Variants in RGL1 observed in about 807,000 individuals in gnomAD.
The protein encoded by RGL1 is ral guanine nucleotide dissociation stimulator like 1.
RGL1 carries 24 observed loss-of-function variants against 95.2 expected under a neutral mutation model. The observed-to-expected ratio is 0.25, with a 90% CI of 0.18 to 0.35. The LOEUF is 0.35. Among genes scored for constraint, RGL1 ranks in the 10% least tolerant of loss-of-function variants. The pLI, the probability that RGL1 is intolerant of heterozygous loss-of-function variation, is 1.00. For missense variants in RGL1, 715 were observed against 936.3 expected, an observed-to-expected ratio of 0.76 and a Z score of 3.08; for synonymous variants, 329 against 344.9, an observed-to-expected ratio of 0.95 and a Z score of 0.51.
chr1:183,877,515 T>C (rs1471576170), intron 4 of RGL1, among the ~76,000 whole-genome samples: 1 of 152,256 alleles, frequency 6.6e-6, no homozygotes, highest in Non-Finnish European at 1.5e-5. Flanking sequence ...GCCTTGGGCA[T>C]GTGTCCAGGC....
rs141904711 is a variant in RGL1 at position 183,784,679 on chromosome 1, C to T, written c.133-21696C>T. ...GGGGAGGATGCAGATACTGGAGAAA[C>T]AGTCAGGGTTCACTGCTGGCTAAAG... On this transcript the variant is annotated intron_variant, in intron 2 of 18. Coordinates refer to the RGL1 transcript ENST00000304685. Among the ~76,000 whole-genome samples the T allele has an allele frequency of 4.2e-3, 639 of 152,336 alleles. 5 individuals carry two copies. The highest frequency in any genetic ancestry group is 0.014 in the African/African-American group (598 of 41,566).
At chr1:183,664,216 T>TAA (rs147588115) in intron 1 of RGL1, among the ~76,000 whole-genome samples, 25 of 150,924 alleles carry the variant, frequency 1.7e-4, no homozygotes, top group Non-Finnish European at 2.4e-4. Flanking sequence ...AGTATAATAA[T>TAA]AATAAAATAA....
At chr1:183,859,295 T>A (rs1665361640) in intron 3 of RGL1, among the ~76,000 whole-genome samples, 1 of 152,190 alleles carries the variant, frequency 6.6e-6, no homozygotes, top group African/African-American at 2.4e-5. Context: ...GAAGAAACCT[T>A]ATAGCAGGAG....
At chr1:183,722,860 T>C in intron 1 of RGL1, among the ~76,000 whole-genome samples, 1 of 134,562 alleles carries the variant, frequency 7.4e-6, no homozygotes, top group East Asian at 2.2e-4. Flanking sequence ...CTGATGATAA[T>C]GTGGATCTAC....
At chr1:183,650,257 T>C (rs1212613296) in intron 1 of RGL1, among the ~76,000 whole-genome samples, 31 of 152,152 alleles carry the variant, frequency 2.0e-4, no homozygotes, top group Admixed American at 2.0e-3. Context: ...TTAAAAATAA[T>C]ATTCGGCCAG....
chr1:183,773,671 GAA>G (rs1332153316), intron 2 of RGL1, among the ~76,000 whole-genome samples: 1 of 152,240 alleles, frequency 6.6e-6, no homozygotes, highest in Non-Finnish European at 1.5e-5. Flanking sequence ...ATAGCCTGAT[GAA>G]AAGAGTCCTT....
intron 17 of RGL1, 103 bp from the exon 18 acceptor site, chr1:183,926,002 C>T: frequency 1.1e-6 from 1 of 950,578 alleles, no homozygotes; most frequent in Non-Finnish European, 1.6e-6. Flanking sequence ...AGATGAAGGG[C>T]CGTAGTCCCG....
intron 1 of RGL1, among the ~76,000 whole-genome samples, chr1:183,695,972 T>G (rs1456546556): frequency 3.9e-5 from 6 of 152,232 alleles, no homozygotes; most frequent in African/African-American, 1.4e-4. Flanking sequence ...TCAATCTGAT[T>G]GAATCAGACA....
chr1:183,690,613 A>C (rs1336330969), intron 1 of RGL1, among the ~76,000 whole-genome samples: 2 of 152,198 alleles, frequency 1.3e-5, no homozygotes, highest in Non-Finnish European at 2.9e-5. Context: ...TTTGAGAGAA[A>C]CTACTGAACT....
chr1:183,837,438 A>G (rs895100674), intron 2 of RGL1, among the ~76,000 whole-genome samples: 3 of 152,238 alleles, frequency 2.0e-5, no homozygotes, highest in African/African-American at 7.2e-5. Context: ...GAATGAGAGA[A>G]AAAGGAGGGA....
At chr1:183,728,928 C>T (rs897443331) in intron 1 of RGL1, among the ~76,000 whole-genome samples, 1 of 152,136 alleles carries the variant, frequency 6.6e-6, no homozygotes, top group Non-Finnish European at 1.5e-5. Flanking sequence ...AACTTGTTAT[C>T]CACATTTAAA....
At position 183,668,935 on chromosome 1, in the gene RGL1, C is replaced by CTTTTTT. The variant is rs551008973; in HGVS notation, c.-33+32438_-33+32439insTTTTTT. Among the ~76,000 whole-genome samples, 122 of 115,528 alleles carry CTTTTTT rather than the reference C, an allele frequency of 1.1e-3. 11 individuals carry two copies. The highest frequency in any genetic ancestry group is 2.0e-3 in the East Asian group (8 of 3,984). 75.8% of individuals were successfully genotyped at this position (115,528 alleles called of 152,430 possible). On this transcript the variant is annotated intron_variant, in intron 1 of 18. Coordinates refer to the RGL1 transcript ENST00000304685. The stretch of plus-strand genomic sequence containing the variant: ...CTTTTTGCTTTTGGTATTGGACTTT[C>CTTTTTT]TTTTCTTTTTTTTTTTTTTTGAGAT...
At chr1:183,653,944 A>C (rs1245805891) in intron 1 of RGL1, among the ~76,000 whole-genome samples, 1 of 152,158 alleles carries the variant, frequency 6.6e-6, no homozygotes, top group African/African-American at 2.4e-5. Flanking sequence ...TTCACTGTCA[A>C]TCACTCTGGA....
chr1:183,658,105 A>C (rs1572234757), intron 1 of RGL1, among the ~76,000 whole-genome samples: 1 of 152,304 alleles, frequency 6.6e-6, no homozygotes, highest in African/African-American at 2.4e-5. Context: ...GAACAGCTCC[A>C]GTCTACAGCT....
At chr1:183,672,878 T>G (rs149303902) in intron 1 of RGL1, among the ~76,000 whole-genome samples, 3 of 152,344 alleles carry the variant, frequency 2.0e-5, no homozygotes, top group African/African-American at 7.2e-5. Flanking sequence ...TCTAGAGCAA[T>G]GTTTCCATTT....
chr1:183,655,711 A>G (rs572173575), intron 1 of RGL1, among the ~76,000 whole-genome samples: 92 of 152,230 alleles, frequency 6.0e-4, no homozygotes, highest in Non-Finnish European at 1.2e-3. Flanking sequence ...CTGTAGGGCC[A>G]CCCTTAATTT....
In RGL1 at chr1:183,654,709, A is replaced by T. The variant is rs138261134; in HGVS notation, c.-33+18208A>T. Among the ~76,000 whole-genome samples the T allele has an allele frequency of 3.9e-4, 60 of 152,332 alleles. No individual in the cohort carries two copies. The East Asian group carries it at 0.011, about 27-fold the overall frequency. On this transcript the variant is annotated intron_variant, in intron 1 of 18. Transcript: ENST00000304685. ...CCATGGTGGATTAGATGCTCAGCAA[A>T]TGATATACCTATGGAAGGTTAAGCC...
At chr1:183,916,064 C>T (rs1668944368) in intron 15 of RGL1, among the ~76,000 whole-genome samples, 1 of 152,228 alleles carries the variant, frequency 6.6e-6, no homozygotes, top group African/African-American at 2.4e-5. Context: ...TGCAGTAGGA[C>T]TGAATCAACT....
chr1:183,785,749 C>T (rs1237997728), intron 2 of RGL1, among the ~76,000 whole-genome samples: 1 of 152,150 alleles, frequency 6.6e-6, no homozygotes, highest in Non-Finnish European at 1.5e-5. Flanking sequence ...TGCTGGCAAC[C>T]ATGTAAATTG....
Sources: gnomAD v4.1 joint callset for allele counts (sites outside exome capture counted in the v4.1 genomes callset) on GRCh38, gnomAD v4.1.1 for gene constraint, MANE v1.5 for transcripts, NCBI Gene and HGNC (gene_info 2026-07-23, HGNC 2026-07-21) for gene names.